The following SCAF4 variants were observed in gnomAD, a reference collection of about 807,000 sequenced individuals.
SCAF4 encodes the protein SR-related CTD associated factor 4, also known as SR-related and CTD-associated factor 4.
SCAF4 carries 25 observed loss-of-function variants against 129.8 expected under a neutral mutation model. That is an observed-to-expected ratio of 0.19 (90% CI 0.14 to 0.27). The LOEUF is 0.27. Ranked by LOEUF, SCAF4 falls within the 10% of genes least tolerant of loss-of-function variation. The pLI is 1.00. For missense variants in SCAF4, 1,246 were observed against 1,457.1 expected (o/e 0.86, Z 2.36); for synonymous variants, 551 against 497.7 (o/e 1.11, Z -1.43).
At chr21:31,729,976 A>G (rs1297946044) in intron 1 of SCAF4, among the ~76,000 whole-genome samples, 1 of 152,242 alleles carries the variant, frequency 6.6e-6, no homozygotes, top group Admixed American at 6.5e-5. Context: ...GAATAAACTA[A>G]AAATCCTCTT....
At chr21:31,676,865 ATCTG>A (rs146693590) in intron 19 of SCAF4, among the ~76,000 whole-genome samples, 3,712 of 151,576 alleles carry the variant, frequency 0.024, 148 homozygotes, top group African/African-American at 0.086. Flanking sequence ...CTTTCCCCTC[ATCTG>A]TCCCAGCCCC....
At chr21:31,674,355 T>G (rs532491246) in intron 19 of SCAF4, among the ~76,000 whole-genome samples, 1 of 152,210 alleles carries the variant, frequency 6.6e-6, no homozygotes, top group African/African-American at 2.4e-5. Context: ...ATGTGGATAT[T>G]TGTGTGTGGG....
intron 19 of SCAF4, among the ~76,000 whole-genome samples, chr21:31,677,863 G>A (rs531302808): frequency 1.3e-5 from 2 of 152,284 alleles, no homozygotes; most frequent in Middle Eastern, 3.4e-3. Context: ...TCATCTCCAA[G>A]TGCTTCAGTC....
chr21:31,728,552 G>C lies in SCAF4; in HGVS notation c.30+3111C>G, dbSNP rs547010599. On this transcript the variant is annotated intron_variant, in intron 1 of 19. Coordinates refer to ENST00000286835, the MANE Select transcript of SCAF4 (RefSeq NM_020706.2). ...GCCATTAACTAGCAATATGCCCTTA[G>C]GGGAGTTACTATTTATTATAATTTC... Among the ~76,000 whole-genome samples the C allele has an allele frequency of 1.1e-4, 17 of 152,256 alleles. No homozygotes were observed. The East Asian group carries it at 3.3e-3, about 29-fold the overall frequency.
chr21:31,706,389 G>C, intron 1 of SCAF4, 32 bp from the exon 2 acceptor site: 1 of 1,437,868 alleles, frequency 7.0e-7, no homozygotes, highest in Non-Finnish European at 9.7e-7. Flanking sequence ...AAAAAGTAAA[G>C]TTTAACTATT....
At chr21:31,691,672 TAAAAAA>T in intron 14 of SCAF4, 139 bp downstream of exon 14, 2 of 280,758 alleles carry the variant, frequency 7.1e-6, no homozygotes, top group Non-Finnish European at 1.3e-5. Flanking sequence ...AAATATTCTT[TAAAAAA>T]AAAAAAAAAA....
At position 31,706,502 on chromosome 21, in the gene SCAF4, A is replaced by T. The variant is rs2050666685; in HGVS notation, c.31-145T>A. On this transcript the variant is annotated intron_variant, in intron 1 of 19. Transcript: ENST00000286835. Reference sequence around the variant, plus strand: ...GGGTCTTAGCAGCTAGGGCAGCAGGAAGAGCTTTGGTGGCCAGGCACCCAG... The same window carrying T: ...GGGTCTTAGCAGCTAGGGCAGCAGGTAGAGCTTTGGTGGCCAGGCACCCAG... The T allele has an allele frequency of 1.5e-5, 9 of 616,014 alleles. No homozygotes were observed. The East Asian group carries it at 2.5e-4, about 17-fold the overall frequency. The allele number at this position is 616,014 out of a possible 1,614,324, so 38.2% of individuals were successfully genotyped here. A position where few individuals can be genotyped will look rare whatever the true frequency, so the allele number is the denominator to read the frequency against.
chr21:31,730,757 CTA>C (rs2051331226), intron 1 of SCAF4, among the ~76,000 whole-genome samples: 1 of 152,204 alleles, frequency 6.6e-6, no homozygotes, highest in African/African-American at 2.4e-5. Context: ...TGTATGGACT[CTA>C]CACTCCAAAA....
chr21:31,676,897 T>A (rs2049869943), intron 19 of SCAF4, among the ~76,000 whole-genome samples: 1 of 152,122 alleles, frequency 6.6e-6, no homozygotes, highest in South Asian at 2.1e-4. Flanking sequence ...CACATAATGT[T>A]TTCTGTCTCT....
At chr21:31,707,058 T>C (rs774529287) in intron 1 of SCAF4, among the ~76,000 whole-genome samples, 52 of 151,686 alleles carry the variant, frequency 3.4e-4, no homozygotes, top group Non-Finnish European at 6.8e-4. Context: ...TCACTGGTTG[T>C]TTACTTTATT....
rs779770609 is a variant in SCAF4 at position 31,690,860 on chromosome 21, T to G, written c.1822A>C (p.Lys608Gln). 1.2e-6 allele frequency: 2 copies of G among 1,613,970 alleles called. No homozygotes were observed. The highest frequency in any genetic ancestry group is 1.7e-6 in the Non-Finnish European group (2 of 1,179,874). Reference protein sequence around the residue: ...GVTYIPWDKVKPEELESFCEG... With the variant: ...GVTYIPWDKVQPEELESFCEG... ...CAAAAACTCTCCAGTTCCTCAGGCT[T>G]GACTTTGTCCCATGGAATATAAGTA... The change falls in exon 15 of 20, where the codon AAG becomes CAG. Residue 608 changes from lysine to glutamine, a missense_variant. Physicochemically the swap from Lys to Gln is moderately conservative, Grantham distance 53. This residue lies in a region of SCAF4 where 468 missense variants were observed against 605.5 expected (regional missense o/e 0.77). Coordinates refer to ENST00000286835, the MANE Select transcript of SCAF4 (RefSeq NM_020706.2).
At chr21:31,673,407 T>C (rs1000554849) in intron 19 of SCAF4, among the ~76,000 whole-genome samples, 5 of 151,454 alleles carry the variant, frequency 3.3e-5, no homozygotes, top group African/African-American at 1.2e-4. Context: ...GAGCAAGTTA[T>C]GGGTTATGAT....
At chr21:31,715,760 C>T (rs1199159913) in intron 1 of SCAF4, among the ~76,000 whole-genome samples, 1 of 152,160 alleles carries the variant, frequency 6.6e-6, no homozygotes, top group Non-Finnish European at 1.5e-5. Flanking sequence ...TGAAAGATGA[C>T]CTTAACTGAT....
Position 31,693,412 on chromosome 21 carries a change from C to G in SCAF4, c.1395G>C (p.Arg465=), listed in dbSNP as rs955197524. ...GAGAATGTCGGCGTCTATCCCTGGA[C>G]CGAGATCGAGAACGTCGATGCCGAG... The part of the protein sequence containing the change: ...RRSRHRRSRS[R]SRDRRRHSPR... Residue 465 remains arginine (R), a synonymous_variant, in exon 12 of 20, where the codon CGG becomes CGC. Transcript: ENST00000286835. 1 of 1,573,180 alleles carries G rather than the reference C, an allele frequency of 6.4e-7. No individual in the cohort carries two copies. The highest frequency in any genetic ancestry group is 8.7e-7 in the Non-Finnish European group (1 of 1,151,390).
At position 31,703,943 on chromosome 21, in the gene SCAF4, G is replaced by T. The variant is rs748421759; in HGVS notation, c.160-17C>A. The T allele has an allele frequency of 1.1e-5, 16 of 1,492,260 alleles. No individual in the cohort carries two copies. The South Asian group carries it at 2.3e-4, about 21-fold the overall frequency. 92.4% of individuals were successfully genotyped at this position (1,492,260 alleles called of 1,614,324 possible). A position where few individuals can be genotyped will look rare whatever the true frequency, so the allele number is the denominator to read the frequency against. ...TGGTTTACACTGCAAGGATAAAGAT[G>T]TAAGATCAGTACAGAAAAAGCAAAG... On this transcript the variant is annotated splice_polypyrimidine_tract_variant and intron_variant, in intron 3 of 19. Coordinates refer to ENST00000286835, the MANE Select transcript of SCAF4 (RefSeq NM_020706.2).
intron 1 of SCAF4, among the ~76,000 whole-genome samples, chr21:31,721,375 C>G (rs186478794): frequency 8.4e-4 from 128 of 152,190 alleles, no homozygotes; most frequent in African/African-American, 2.7e-3. Context: ...AGTTTAAAGA[C>G]TATTATATAT....
rs1407628234 is a variant in SCAF4, at chr21:31,696,165, T to C, written c.1016A>G (p.Asp339Gly). ...QPAYTQHQNM[D>G]QFQPRMMGIQ... ...TCCCATCATTCGTGGCTGAAACTGA[T>C]CCATATTTTGATGCTGTGTGTATGC... Residue 339 changes from aspartate to glycine, a missense_variant, in exon 9 of 20, where the codon GAT becomes GGT. Physicochemically the swap from Asp to Gly is moderately conservative, Grantham distance 94. This residue lies in a region of SCAF4 where 236 missense variants were observed against 210.0 expected (regional missense o/e 1.12). Transcript: ENST00000286835. 1.2e-6 allele frequency: 2 copies of C among 1,613,982 alleles called. No individual in the cohort carries two copies. Among genetic ancestry groups the C allele is most frequent in the Admixed American group, 1.7e-5 (1 of 60,014 alleles).
chr21:31,714,598 G>A (rs1000737577), intron 1 of SCAF4, among the ~76,000 whole-genome samples: 12 of 152,296 alleles, frequency 7.9e-5, no homozygotes, highest in East Asian at 1.9e-4. Flanking sequence ...TTCAAGTGAA[G>A]ATAAAGAAGA....
chr21:31,706,908 C>G, intron 1 of SCAF4: 1 of 304,856 alleles, frequency 3.3e-6, no homozygotes, highest in South Asian at 3.2e-5. Flanking sequence ...TGTCTCCCCT[C>G]TCTTCAATCC....
Sources: allele counts gnomAD v4.1 joint callset (sites outside exome capture counted in the v4.1 genomes callset), GRCh38; gene constraint gnomAD v4.1.1; regional missense constraint gnomAD v4.1.1; transcripts MANE v1.5; gene names NCBI Gene and HGNC (gene_info 2026-07-23, HGNC 2026-07-21).